Variants in SNX14 observed in about 807,000 individuals in gnomAD.
SNX14 encodes the protein sorting nexin-14.
In SNX14, 93 loss-of-function variants were observed where a neutral mutation model predicts 133.8. That is an observed-to-expected ratio of 0.70 (90% CI 0.59 to 0.83). The LOEUF is 0.83. SNX14 is among the 40% of genes least tolerant of loss of function. The probability of loss-of-function intolerance (pLI) is 0.00; values close to 1 mark genes in which losing one functional copy is unlikely to be tolerated. For missense variants in SNX14, 945 were observed against 1,094.9 expected, an observed-to-expected ratio of 0.86 and a Z score of 1.93; for synonymous variants, 368 against 365.6, an observed-to-expected ratio of 1.01 and a Z score of -0.07.
chr6:85,567,440 A>C, intron 5 of SNX14, 94 bp downstream of exon 5: 1 of 937,628 alleles, frequency 1.1e-6, no homozygotes, highest in Non-Finnish European at 1.6e-6. Context: ...AAAGTTGAGA[A>C]ATCCTGGTCT....
chr6:85,569,661 A>G (rs1794957986), intron 4 of SNX14, among the ~76,000 whole-genome samples: 1 of 152,192 alleles, frequency 6.6e-6, no homozygotes, highest in African/African-American at 2.4e-5. Context: ...ACTTAACCAG[A>G]CCTGAGTTTT....
chr6:85,575,206 G>A (rs1482998068), intron 1 of SNX14, among the ~76,000 whole-genome samples: 1 of 152,142 alleles, frequency 6.6e-6, no homozygotes, highest in African/African-American at 2.4e-5. Context: ...AATACAGGTA[G>A]TCCTCACATT....
At chr6:85,529,276 GGAAGGAAGGAAATAAGGAAAT>G (rs1779487790) in intron 19 of SNX14, among the ~76,000 whole-genome samples, 1 of 147,054 alleles carries the variant, frequency 6.8e-6, no homozygotes, top group Admixed American at 7.0e-5. Flanking sequence ...AGGAAATGAA[GGAAGGAAGGAAATAAGGAAAT>G]GAAGGAAGGA....
intron 6 of SNX14, among the ~76,000 whole-genome samples, chr6:85,559,223 C>A (rs369988647): frequency 3.3e-5 from 5 of 151,950 alleles, no homozygotes; most frequent in Non-Finnish European, 7.4e-5. Flanking sequence ...CAGTAAGAGG[C>A]GATATTTTTG....
At chr6:85,555,423 T>G (rs1789367586) in intron 7 of SNX14, among the ~76,000 whole-genome samples, 1 of 152,170 alleles carries the variant, frequency 6.6e-6, no homozygotes, top group Non-Finnish European at 1.5e-5. Context: ...GTTATCAAGC[T>G]ATGAAAAGAT....
In SNX14 at chr6:85,572,353, A is replaced by G; in HGVS notation, c.283T>C (p.Phe95Leu). ...ACAGCACAGCTATGACCTTGAGGAA[A>G]TAATTCCTGAAGTCCTAACTGCTAA... ...KPKQLGLQELFPQGHSCAVCG... is the reference protein window; with the variant it reads ...KPKQLGLQELLPQGHSCAVCG... Residue 95 changes from phenylalanine to leucine, a missense_variant, in exon 3 of 29, where the codon TTT becomes CTT. Physicochemically the swap from Phe to Leu is conservative, Grantham distance 22. Transcript: ENST00000314673. The G allele has an allele frequency of 6.2e-7, 1 of 1,613,380 alleles. No homozygotes were observed. The highest frequency in any genetic ancestry group is 8.5e-7 in the Non-Finnish European group (1 of 1,179,724).
chr6:85,535,484 C>T (rs915062016), intron 17 of SNX14, among the ~76,000 whole-genome samples: 8 of 151,548 alleles, frequency 5.3e-5, no homozygotes, highest in East Asian at 3.9e-4. Flanking sequence ...GGCATGGTGG[C>T]GGGCGCCTGC....
chr6:85,511,952 G>A (rs1352598878), intron 26 of SNX14, among the ~76,000 whole-genome samples: 1 of 152,068 alleles, frequency 6.6e-6, no homozygotes, highest in African/African-American at 2.4e-5. Context: ...GGAGAGGAAG[G>A]GTTCTATAGT....
At chr6:85,523,720 A>G (rs1562223889) in intron 21 of SNX14, among the ~76,000 whole-genome samples, 1 of 152,050 alleles carries the variant, frequency 6.6e-6, no homozygotes, top group Non-Finnish European at 1.5e-5. Context: ...AGCTGAGATC[A>G]CGCCACCGCA....
At chr6:85,530,147 T>C (rs1779766018) in intron 19 of SNX14, 45 bp downstream of exon 19, 1 of 1,200,368 alleles carries the variant, frequency 8.3e-7, no homozygotes, top group African/African-American at 1.5e-5. Context: ...TTTTAAAGAA[T>C]GCTAATGCTG....
chr6:85,571,781 G>A (rs964940896), intron 4 of SNX14, among the ~76,000 whole-genome samples: 2 of 152,272 alleles, frequency 1.3e-5, no homozygotes, highest in Admixed American at 6.5e-5. Context: ...CAAAACTGGG[G>A]TCATAATTCA....
At chr6:85,537,692 T>C (rs1021632508) in intron 16 of SNX14, among the ~76,000 whole-genome samples, 1 of 152,344 alleles carries the variant, frequency 6.6e-6, no homozygotes, top group East Asian at 1.9e-4. Context: ...CTCACACTTG[T>C]AATCCCAGCA....
In SNX14 at chr6:85,505,823, T is replaced by C. The variant is rs1418531002; in HGVS notation, c.*144A>G. The C allele has an allele frequency of 1.6e-6, 1 of 634,580 alleles. No homozygotes were observed. Among genetic ancestry groups the C allele is most frequent in the Non-Finnish European group, 2.8e-6 (1 of 361,432 alleles). 39.3% of individuals were successfully genotyped at this position (634,580 alleles called of 1,614,324 possible). A position where few individuals can be genotyped will look rare whatever the true frequency, so the allele number is the denominator to read the frequency against. On this transcript the variant is annotated 3_prime_UTR_variant, in exon 29 of 29. Coordinates refer to ENST00000314673, the MANE Select transcript of SNX14 (RefSeq NM_153816.6). ...TCACTTTTAATCATTAAGTTTGTGTTAGTCTTTATTAAAAACAAAAAATAA... is the reference window on the plus strand; with the variant it reads ...TCACTTTTAATCATTAAGTTTGTGTCAGTCTTTATTAAAAACAAAAAATAA...
At chr6:85,564,201 T>C (rs1211091295) in intron 6 of SNX14, among the ~76,000 whole-genome samples, 3 of 152,226 alleles carry the variant, frequency 2.0e-5, no homozygotes, top group Admixed American at 2.0e-4. Flanking sequence ...TTCCAAGTCT[T>C]TGCTATTGTG....
intron 6 of SNX14, chr6:85,561,088 T>C (rs1791403342): frequency 6.9e-6 from 1 of 144,648 alleles, no homozygotes; most frequent in Admixed American, 6.9e-5. Context: ...AATCCCAGCA[T>C]TTTGGGAAGC....
At chr6:85,593,480 T>C (rs1803590108) in intron 1 of SNX14, 99 bp downstream of exon 1, 2 of 1,462,234 alleles carry the variant, frequency 1.4e-6, no homozygotes, top group Non-Finnish European at 1.8e-6. Flanking sequence ...TGGTCCCCAG[T>C]CCCGCAGCTA....
chr6:85,505,817 T>C lies in SNX14; in HGVS notation c.*150A>G, dbSNP rs927784228. The C allele has an allele frequency of 1.4e-5, 9 of 624,014 alleles. No homozygotes were observed. The highest frequency in any genetic ancestry group is 2.5e-5 in the Non-Finnish European group (9 of 355,410). The allele number at this position is 624,014 out of a possible 1,614,324, so 38.7% of individuals were successfully genotyped here. A position where few individuals can be genotyped will look rare whatever the true frequency, so the allele number is the denominator to read the frequency against. Reference sequence around the variant, plus strand: ...ACTCAATCACTTTTAATCATTAAGTTTGTGTTAGTCTTTATTAAAAACAAA... The same window carrying C: ...ACTCAATCACTTTTAATCATTAAGTCTGTGTTAGTCTTTATTAAAAACAAA... On this transcript the variant is annotated 3_prime_UTR_variant, in exon 29 of 29. Coordinates refer to ENST00000314673, the MANE Select transcript of SNX14 (RefSeq NM_153816.6).
chr6:85,572,751 G>A (rs1384818701), intron 2 of SNX14, among the ~76,000 whole-genome samples: 1 of 152,144 alleles, frequency 6.6e-6, no homozygotes, highest in Non-Finnish European at 1.5e-5. Flanking sequence ...GAGCCCAGGA[G>A]TTTGAGGCCA....
At chr6:85,512,855 T>C (rs1389082171) in intron 26 of SNX14, among the ~76,000 whole-genome samples, 4 of 152,164 alleles carry the variant, frequency 2.6e-5, no homozygotes, top group African/African-American at 9.7e-5. Flanking sequence ...CCTCACTCTC[T>C]GGTGAATCTA....
Sources: allele counts gnomAD v4.1 joint callset (sites outside exome capture counted in the v4.1 genomes callset), GRCh38; gene constraint gnomAD v4.1.1; transcripts MANE v1.5; gene names NCBI Gene and HGNC (gene_info 2026-07-23, HGNC 2026-07-21).